H2BW1: variants seen among roughly 807,000 people sequenced by gnomAD.
The protein encoded by H2BW1 is H2B.W histone 1, also known as histone H2B type W-T.
H2BW1 carries 9 observed loss-of-function variants against 8.0 expected under a neutral mutation model. The ratio of observed to expected loss-of-function variants is 1.13; its 90% CI spans 0.68 to 1.97. H2BW1 has a LOEUF of 1.97. Among genes scored for constraint, H2BW1 ranks in the 30% most tolerant of loss-of-function variants. The pLI is 0.00. For synonymous variants in H2BW1, 58 were observed against 54.7 expected (o/e 1.06, Z -0.26); for missense variants, 137 against 132.0 (o/e 1.04, Z -0.19).
chrX:104,013,524 T>C lies in H2BW1; in HGVS notation c.53A>G (p.Glu18Gly). 1 of 1,211,898 alleles carries C rather than the reference T, an allele frequency of 8.3e-7. No homozygotes were observed. The highest frequency in any genetic ancestry group is 1.1e-6 in the Non-Finnish European group (1 of 895,574). Residue 18 changes from glutamate to glycine, a missense_variant, in exon 1 of 3, where the codon GAG becomes GGG. Physicochemically the swap from Glu to Gly is moderately conservative, Grantham distance 98. Transcript: ENST00000217926. ...TTSEEQLITQ[E>G]PKEANSTTSQ... The stretch of plus-strand genomic sequence containing the variant: ...CGTAGTGGAGTTGGCCTCTTTGGGC[T>C]CCTGGGTGATCAGCTGTTCCTCAGA...
intron 2 of H2BW1, among the ~76,000 whole-genome samples, chrX:104,011,714 G>C (rs2075126927): frequency 8.9e-6 from 1 of 111,737 alleles, no homozygotes; most frequent in South Asian, 3.7e-4. Flanking sequence ...ACTTCTGATG[G>C]GCTCAAGAAA....
chrX:104,013,530 G>T lies in H2BW1; in HGVS notation c.47C>A (p.Thr16Asn). Residue 16 changes from threonine to asparagine, a missense_variant, in exon 1 of 3, where the codon ACC becomes AAC. Coordinates refer to ENST00000217926, the MANE Select transcript of H2BW1 (RefSeq NM_001002916.5). Reference protein sequence around the residue: ...SETTSEEQLITQEPKEANSTT... With the variant: ...SETTSEEQLINQEPKEANSTT... Reference sequence around the variant, plus strand: ...GGAGTTGGCCTCTTTGGGCTCCTGGGTGATCAGCTGTTCCTCAGAGGTCGT... The same window carrying T: ...GGAGTTGGCCTCTTTGGGCTCCTGGTTGATCAGCTGTTCCTCAGAGGTCGT... 8.3e-7 allele frequency: 1 copy of T among 1,212,105 alleles called. No homozygotes were observed. Among genetic ancestry groups the T allele is most frequent in the African/African-American group, 1.7e-5 (1 of 57,886 alleles).
At chrX:104,011,879 C>T (rs1359162349) in intron 2 of H2BW1, among the ~76,000 whole-genome samples, 1 of 111,605 alleles carries the variant, frequency 9.0e-6, no homozygotes, top group Non-Finnish European at 1.9e-5. Context: ...TATTGAGCTT[C>T]AAGGCACAAT....
At position 104,013,446 on chromosome X, in the gene H2BW1, C is replaced by T. The variant is rs1556337804; in HGVS notation, c.131G>A (p.Cys44Tyr). ...RKRGRHGPRR[C>Y]HSNCRGDSFA... ...GCTGTCCCCGCGGCAGTTGGAGTGG[C>T]ACCTGCGGGGCCCATGGCGCCCTCG... The change falls in exon 1 of 3, where the codon TGC (cysteine) becomes TAC (tyrosine). Residue 44 changes from cysteine to tyrosine, a missense_variant. Transcript: ENST00000217926. 1 of 1,210,914 alleles carries T rather than the reference C, an allele frequency of 8.3e-7. No individual in the cohort carries two copies. The highest frequency in any genetic ancestry group is 2.2e-5 in the Admixed American group (1 of 45,959).
Position 104,013,428 on chromosome X carries a change from C to G in H2BW1, c.149G>C (p.Gly50Ala). The G allele has an allele frequency of 8.2e-7, 1 of 1,212,364 alleles. No individual in the cohort carries two copies. The highest frequency in any genetic ancestry group is 1.1e-6 in the Non-Finnish European group (1 of 895,649). The change falls in exon 1 of 3, where the codon GGG becomes GCG. Residue 50 changes from glycine (G) to alanine (A), a missense_variant. Coordinates refer to ENST00000217926, the MANE Select transcript of H2BW1 (RefSeq NM_001002916.5). ...GPRRCHSNCR[G>A]DSFATYFRRV... is the part of the protein sequence containing the mutation. ...GCGGAAATAGGTGGCGAAGCTGTCC[C>G]CGCGGCAGTTGGAGTGGCACCTGCG... is the stretch of plus-strand genomic sequence containing the variant.
Position 104,013,648 on chromosome X carries a change from CG to C in H2BW1, c.-73del. The C allele has an allele frequency of 8.3e-7, 1 of 1,201,605 alleles. No individual in the cohort carries two copies. Among genetic ancestry groups the C allele is most frequent in the Non-Finnish European group, 1.1e-6 (1 of 889,982 alleles). ...GTGGACCGGGGAAGCCGGGGCACTTCGGTACGCAGCATGGCTCCACGTCTCG... is the reference window on the plus strand; with the variant it reads ...GTGGACCGGGGAAGCCGGGGCACTTCGTACGCAGCATGGCTCCACGTCTCG... On this transcript the variant is annotated 5_prime_UTR_variant, in exon 1 of 3. It introduces an in-frame stop codon into an upstream open reading frame of the 5' UTR. Coordinates refer to ENST00000217926, the MANE Select transcript of H2BW1 (RefSeq NM_001002916.5).
Position 104,013,629 on chromosome X carries a change from CG to C in H2BW1, c.-54del, listed in dbSNP as rs782278013. 3 of 1,205,233 alleles carry C rather than the reference CG, an allele frequency of 2.5e-6. No homozygotes were observed. In the Admixed American group the frequency reaches 6.6e-5, roughly 26 times the overall value. ...CGACCAGACAATGGCGGTTGTGGAC[CG>C]GGGAAGCCGGGGCACTTCGGTACGC... On this transcript the variant is annotated 5_prime_UTR_variant, in exon 1 of 3. The change creates a premature stop within an existing upstream ORF in the 5' untranslated region. Coordinates refer to ENST00000217926, the MANE Select transcript of H2BW1 (RefSeq NM_001002916.5).
rs1556337930 is a variant in H2BW1 at position 104,013,665 on chromosome X, C to G, written c.-89G>C. The G allele has an allele frequency of 8.4e-7, 1 of 1,195,081 alleles. No homozygotes were observed. Among genetic ancestry groups the G allele is most frequent in the Non-Finnish European group, 1.1e-6 (1 of 886,596 alleles). On this transcript the variant is annotated 5_prime_UTR_variant, in exon 1 of 3. Coordinates refer to ENST00000217926, the MANE Select transcript of H2BW1 (RefSeq NM_001002916.5). ...GGGCACTTCGGTACGCAGCATGGCTCCACGTCTCGGGCCAGCTTCACGTCT... is the reference window on the plus strand; with the variant it reads ...GGGCACTTCGGTACGCAGCATGGCTGCACGTCTCGGGCCAGCTTCACGTCT...
chrX:104,012,969 G>A (rs1220810304), intron 1 of H2BW1, among the ~76,000 whole-genome samples: 5 of 112,398 alleles, frequency 4.4e-5, no homozygotes, highest in African/African-American at 1.6e-4. Flanking sequence ...TAGTACTGAG[G>A]GGAAAATGCT....
rs2075132457 is a variant in H2BW1, at chrX:104,013,440, G to T, written c.137C>A (p.Ser46Tyr). The T allele has an allele frequency of 8.2e-7, 1 of 1,212,407 alleles. No homozygotes were observed. The highest frequency in any genetic ancestry group is 1.8e-5 in the South Asian group (1 of 57,028). ...RGRHGPRRCH[S>Y]NCRGDSFATY... The stretch of plus-strand genomic sequence containing the variant: ...GGCGAAGCTGTCCCCGCGGCAGTTG[G>T]AGTGGCACCTGCGGGGCCCATGGCG... Residue 46 changes from serine to tyrosine, a missense_variant, in exon 1 of 3, where the codon TCC becomes TAC. Transcript: ENST00000217926.
At position 104,013,161 on chromosome X, in the gene H2BW1, C is replaced by A; in HGVS notation, c.407+9G>T. 1 of 1,194,302 alleles carries A rather than the reference C, an allele frequency of 8.4e-7. No individual in the cohort carries two copies. Among genetic ancestry groups the A allele is most frequent in the Non-Finnish European group, 1.1e-6 (1 of 886,091 alleles). On this transcript the variant is annotated intron_variant, in intron 1 of 2. Coordinates refer to ENST00000217926, the MANE Select transcript of H2BW1 (RefSeq NM_001002916.5). ...TGCTCCTGAGGGAGCGCACTTGCTC[C>A]TGGTGTACCTGAGGACAGCCTTCGT...
chrX:104,012,948 C>T (rs2075130163), intron 1 of H2BW1, among the ~76,000 whole-genome samples, 200 bp from the exon 2 acceptor site: 1 of 112,516 alleles, frequency 8.9e-6, no homozygotes, highest in Admixed American at 9.4e-5. Flanking sequence ...TATATTGGAG[C>T]TGACAATGTT....
At chrX:104,013,001 A>G (rs1360047821) in intron 1 of H2BW1, among the ~76,000 whole-genome samples, 169 bp downstream of exon 1, 1 of 112,020 alleles carries the variant, frequency 8.9e-6, no homozygotes, top group Non-Finnish European at 1.9e-5. Context: ...AGGATGCCAC[A>G]CGCCACATGC....
intron 2 of H2BW1, among the ~76,000 whole-genome samples, chrX:104,012,249 A>G (rs1287008173): frequency 8.9e-6 from 1 of 112,186 alleles, no homozygotes; most frequent in Non-Finnish European, 1.9e-5. Context: ...ATGATTACAA[A>G]CACTGAAAAC....
At chrX:104,013,030 A>G in intron 1 of H2BW1, 140 bp downstream of exon 1, 1 of 929,463 alleles carries the variant, frequency 1.1e-6, no homozygotes, top group Non-Finnish European at 1.5e-6. Context: ...TCGGAAGGGC[A>G]CCACCCACCC....
At position 104,013,390 on chromosome X, in the gene H2BW1, G is replaced by A; in HGVS notation, c.187C>T (p.Gln63Ter). ...FATYFRRVLK[Q>*]VHQGLSLSRE... The stretch of plus-strand genomic sequence containing the variant: ...GAAAGGCTGAGGCCCTGGTGAACCT[G>A]CTTCAGCACCCGGCGGAAATAGGTG... The change falls in exon 1 of 3, where the codon CAG (glutamine) becomes TAG (stop). Residue 63 changes from glutamine to a stop codon, truncating the protein, a stop_gained. Coordinates refer to ENST00000217926, the MANE Select transcript of H2BW1 (RefSeq NM_001002916.5). LOFTEE classifies it high-confidence loss of function. The A allele has an allele frequency of 3.3e-6, 4 of 1,212,448 alleles. No individual in the cohort carries two copies. Among genetic ancestry groups the A allele is most frequent in the Non-Finnish European group, 4.5e-6 (4 of 895,697 alleles).
In H2BW1 at chrX:104,013,174, G is replaced by C; in HGVS notation, c.403C>G (p.Leu135Val). 8.3e-7 allele frequency: 1 copy of C among 1,202,352 alleles called. No individual in the cohort carries two copies. Among genetic ancestry groups the C allele is most frequent in the Non-Finnish European group, 1.1e-6 (1 of 890,361 alleles). Reference sequence around the variant, plus strand: ...GCGCACTTGCTCCTGGTGTACCTGAGGACAGCCTTCGTGCCTTCGGACTCG... The same window carrying C: ...GCGCACTTGCTCCTGGTGTACCTGACGACAGCCTTCGTGCCTTCGGACTCG... ...LAESEGTKAV[L>V]RTSLYAIQQQ... Residue 135 changes from leucine to valine, a missense_variant, in exon 1 of 3, where the codon CTC (leucine) becomes GTC (valine). Transcript: ENST00000217926.
chrX:104,012,227 C>T (rs1433653424), intron 2 of H2BW1, among the ~76,000 whole-genome samples: 1 of 112,200 alleles, frequency 8.9e-6, no homozygotes, highest in African/African-American at 3.2e-5. Flanking sequence ...GGATTCATAT[C>T]CTTAAATGAC....
rs781794729 is a variant in H2BW1 at position 104,013,708 on chromosome X, C to T, written c.-132G>A. The T allele has an allele frequency of 1.2e-5, 14 of 1,165,139 alleles. No individual in the cohort carries two copies. Among genetic ancestry groups the T allele is most frequent in the South Asian group, 3.8e-5 (2 of 52,304 alleles). ...TCACGTCTGATTGGATGAAGTGTCA[C>T]GCAGGGAGCCTCTCAGCAAACCTAC... On this transcript the variant is annotated 5_prime_UTR_variant, in exon 1 of 3. It adds an upstream start codon to the 5' untranslated region. Transcript: ENST00000217926.
Sources: allele counts gnomAD v4.1 joint callset (sites outside exome capture counted in the v4.1 genomes callset), GRCh38; gene constraint gnomAD v4.1.1; transcripts MANE v1.5; gene names NCBI Gene and HGNC (gene_info 2026-07-23, HGNC 2026-07-21).